RYR1: variants seen among roughly 807,000 people sequenced by gnomAD.
The protein encoded by RYR1 is central core disease of muscle.
A neutral mutation model predicts 583.5 loss-of-function variants in RYR1; 342 were observed. The observed-to-expected ratio is 0.59, with a 90% CI of 0.54 to 0.64. RYR1 has a LOEUF of 0.64. Ranked by LOEUF, RYR1 falls within the 30% of genes least tolerant of loss-of-function variation. The pLI, the probability that RYR1 is intolerant of heterozygous loss-of-function variation, is 0.00. For missense variants in RYR1, 6,032 were observed against 6,917.2 expected, an observed-to-expected ratio of 0.87 and a Z score of 4.54; for synonymous variants, 2,791 against 2,822.5, an observed-to-expected ratio of 0.99 and a Z score of 0.35.
chr19:38,488,752 G>A (rs1031135603), intron 34 of RYR1, among the ~76,000 whole-genome samples: 18 of 152,092 alleles, frequency 1.2e-4, no homozygotes, highest in Admixed American at 7.2e-4. Flanking sequence ...TGATCTGCCC[G>A]CCTTGGTCTC....
chr19:38,580,128 GGT>G lies in RYR1; in HGVS notation c.14511+4_14511+5del. The G allele has an allele frequency of 1.9e-6, 3 of 1,614,202 alleles. No homozygotes were observed. The highest frequency in any genetic ancestry group is 2.5e-6 in the Non-Finnish European group (3 of 1,180,044). On this transcript the variant is annotated splice_donor_variant, in intron 100 of 105. Coordinates refer to ENST00000359596, the MANE Select transcript of RYR1 (RefSeq NM_000540.3). LOFTEE classifies it high-confidence loss of function. ...CCTCTGTCACCCACAATGGGAAACA[GGT>G]GTGGGGAGGACCTGGCTGTGGGGCG...
intron 22 of RYR1, among the ~76,000 whole-genome samples, chr19:38,464,278 G>GAAAAAAA (rs547288253): frequency 2.3e-4 from 15 of 64,242 alleles, no homozygotes; most frequent in Non-Finnish European, 4.0e-4. Context: ...CACCGTTTCA[G>GAAAAAAA]AAAAAAAAAA....
In RYR1 at chr19:38,452,865, G is replaced by T. The variant is rs768357333; in HGVS notation, c.1291G>T (p.Ala431Ser). The change falls in exon 13 of 106, where the codon GCT (alanine) becomes TCT (serine). Residue 431 changes from alanine to serine, a missense_variant. Coordinates refer to ENST00000359596, the MANE Select transcript of RYR1 (RefSeq NM_000540.3). ...GAAGCCACGGGGCTCGGGGCCACCC[G>T]CTGGCACGGCGCTGCCCATCGAGGG... Reference protein sequence around the residue: ...SGKPRGSGPPAGTALPIEGVI... With the variant: ...SGKPRGSGPPSGTALPIEGVI... The T allele has an allele frequency of 1.9e-6, 3 of 1,609,088 alleles. No individual in the cohort carries two copies. The South Asian group carries it at 3.3e-5, about 18-fold the overall frequency.
At position 38,490,605 on chromosome 19, in the gene RYR1, T is replaced by G. The variant is rs1288132932; in HGVS notation, c.6016-16T>G. The stretch of plus-strand genomic sequence containing the variant: ...GGGATCTCAGACCCTCATTCTAATC[T>G]TTGACCTTCCCCTAGATCAATATGC... On this transcript the variant is annotated splice_polypyrimidine_tract_variant and intron_variant, in intron 36 of 105. Coordinates refer to ENST00000359596, the MANE Select transcript of RYR1 (RefSeq NM_000540.3). 6.5e-7 allele frequency: 1 copy of G among 1,530,088 alleles called. No individual in the cohort carries two copies. Among genetic ancestry groups the G allele is most frequent in the Non-Finnish European group, 9.1e-7 (1 of 1,103,580 alleles). 94.8% of individuals were successfully genotyped at this position (1,530,088 alleles called of 1,614,324 possible).
At chr19:38,506,043 G>C in intron 54 of RYR1, 97 bp downstream of exon 54, 39 of 1,480,698 alleles carry the variant, frequency 2.6e-5, no homozygotes, top group Non-Finnish European at 3.3e-5. Flanking sequence ...GAGGAGAGGG[G>C]CCCAGGGAGG....
chr19:38,567,065 C>T, intron 92 of RYR1, 78 bp downstream of exon 92: 4 of 1,544,862 alleles, frequency 2.6e-6, no homozygotes, highest in Non-Finnish European at 3.5e-6. Context: ...GAGGTCAGGC[C>T]CCAAGGCTGT....
chr19:38,476,792 A>C (rs1399622963), intron 29 of RYR1, among the ~76,000 whole-genome samples: 1 of 152,074 alleles, frequency 6.6e-6, no homozygotes, highest in Non-Finnish European at 1.5e-5. Flanking sequence ...TCTCCTATGG[A>C]GGTGCTATGG....
chr19:38,458,369 G>C, intron 18 of RYR1, 77 bp downstream of exon 18: 1 of 1,457,010 alleles, frequency 6.9e-7, no homozygotes, highest in Non-Finnish European at 9.6e-7. Flanking sequence ...CATACACCTT[G>C]GGGTTCTCAG....
intron 65 of RYR1, 124 bp from the exon 66 acceptor site, chr19:38,517,235 G>A: frequency 4.0e-6 from 4 of 995,046 alleles, no homozygotes; most frequent in Non-Finnish European, 6.1e-6. Flanking sequence ...GGAAGAATAG[G>A]GTTTGGGAGA....
At position 38,445,463 on chromosome 19, in the gene RYR1, C is replaced by G. The variant is rs77253303; in HGVS notation, c.631+786C>G. Among the ~76,000 whole-genome samples, 1,043 of 152,148 alleles carry G rather than the reference C, an allele frequency of 6.9e-3. 16 individuals are homozygous for G. The highest frequency in any genetic ancestry group is 0.024 in the African/African-American group (992 of 41,482). ...CTAAGACTCCAGGCATGGCCCAATA[C>G]TTTGACCCCAAGTCTCATACCCCAA... On this transcript the variant is annotated intron_variant, in intron 7 of 105. Coordinates refer to ENST00000359596, the MANE Select transcript of RYR1 (RefSeq NM_000540.3).
rs771833385 is a variant in RYR1, at chr19:38,575,906, T to C, written c.14130-13T>C. On this transcript the variant is annotated splice_polypyrimidine_tract_variant and intron_variant, in intron 96 of 105. Transcript: ENST00000359596. ...ACATCTTATACTCACGCTTTCTCTC[T>C]CTCTCTCTGCAGGTCTTTCCCTAGC... 5.6e-6 allele frequency: 9 copies of C among 1,613,960 alleles called. No homozygotes were observed. The highest frequency in any genetic ancestry group is 7.6e-6 in the Non-Finnish European group (9 of 1,179,992).
chr19:38,566,559 G>A (rs1973447376), intron 91 of RYR1, among the ~76,000 whole-genome samples: 1 of 151,766 alleles, frequency 6.6e-6, no homozygotes, highest in African/African-American at 2.4e-5. Context: ...TACTCGTTGT[G>A]GGAATGAAGT....
chr19:38,499,866 T>G lies in RYR1; in HGVS notation c.7215-42T>G. On this transcript the variant is annotated intron_variant, in intron 44 of 105. Transcript: ENST00000359596. The surrounding 1 kb of genome is among the most constrained non-coding windows in gnomAD (Gnocchi z 7.3). ...CCTCAATAGGGCAACCCGCCCTCCC[T>G]GGCCCCTGGCTGCCTCCCCAACCCA... 1 of 1,245,610 alleles carries G rather than the reference T, an allele frequency of 8.0e-7. No individual in the cohort carries two copies. Among genetic ancestry groups the G allele is most frequent in the East Asian group, 2.7e-5 (1 of 37,552 alleles). 77.2% of individuals were successfully genotyped at this position (1,245,610 alleles called of 1,614,324 possible).
intron 1 of RYR1, among the ~76,000 whole-genome samples, chr19:38,438,616 C>CT (rs71165544): frequency 0.69 from 64,071 of 93,024 alleles, 23,940 homozygotes; most frequent in African/African-American, 0.73. Flanking sequence ...CCAGGCTAGT[C>CT]TTTTTTTTTT....
intron 23 of RYR1, among the ~76,000 whole-genome samples, chr19:38,465,748 G>C (rs1011292106): frequency 6.6e-6 from 1 of 152,026 alleles, no homozygotes; most frequent in African/African-American, 2.4e-5. Flanking sequence ...TGGGCAACAA[G>C]AGTGAAACTC....
intron 89 of RYR1, among the ~76,000 whole-genome samples, chr19:38,553,218 C>T (rs1972740044): frequency 6.6e-6 from 1 of 151,078 alleles, no homozygotes; most frequent in Non-Finnish European, 1.5e-5. Flanking sequence ...GCCTGTAATC[C>T]CGGCTACTCA....
chr19:38,514,236 C>T (rs1970851249), intron 63 of RYR1, among the ~76,000 whole-genome samples: 1 of 151,700 alleles, frequency 6.6e-6, no homozygotes, highest in Non-Finnish European at 1.5e-5. Context: ...TTGAGATCAG[C>T]CTGGGCAACA....
At position 38,549,874 on chromosome 19, in the gene RYR1, T is replaced by TG. The variant is rs1491262376; in HGVS notation, c.12282+1454_12282+1455insG. On this transcript the variant is annotated intron_variant, in intron 89 of 105. Coordinates refer to ENST00000359596, the MANE Select transcript of RYR1 (RefSeq NM_000540.3). ...GCACGCACCACCATGCCCAGCTAAA[T>TG]TTGTGTGTGTGTGTGTGTGTGTGTG... is the stretch of plus-strand genomic sequence containing the variant. Among the ~76,000 whole-genome samples, 82 of 121,202 alleles carry TG rather than the reference T, an allele frequency of 6.8e-4. 1 individual carries two copies. Among genetic ancestry groups the TG allele is most frequent in the Non-Finnish European group, 1.1e-3 (63 of 58,332 alleles). 79.5% of individuals were successfully genotyped at this position (121,202 alleles called of 152,430 possible).
chr19:38,486,227 C>G, intron 34 of RYR1, 25 bp downstream of exon 34: 1 of 1,612,666 alleles, frequency 6.2e-7, no homozygotes, highest in Non-Finnish European at 8.5e-7. Context: ...CTGCTTTCCT[C>G]TGTCCCATTC....
Sources: gnomAD v4.1 joint callset for allele counts (sites outside exome capture counted in the v4.1 genomes callset) on GRCh38, gnomAD v4.1.1 for gene constraint, Gnocchi (gnomAD v3.1) non-coding constraint, MANE v1.5 for transcripts, NCBI Gene and HGNC (gene_info 2026-07-23, HGNC 2026-07-21) for gene names.